Variants in ADAMTS12 observed in about 807,000 individuals in gnomAD.
ADAMTS12 encodes A disintegrin and metalloproteinase with thrombospondin motifs 12.
ADAMTS12 carries 118 observed loss-of-function variants against 167.8 expected under a neutral mutation model. That is an observed-to-expected ratio of 0.70 (90% CI 0.61 to 0.82). The LOEUF is 0.82. ADAMTS12 is among the 40% of genes least tolerant of loss of function. The probability of loss-of-function intolerance (pLI) is 0.00; values close to 1 mark genes in which losing one functional copy is unlikely to be tolerated. For synonymous variants in ADAMTS12, 704 were observed against 716.9 expected (o/e 0.98, Z 0.29); for missense variants, 1,916 against 1,998.8 (o/e 0.96, Z 0.79).
rs539284470 is a variant in ADAMTS12, at chr5:33,879,227, C to T, written c.489+1892G>A. Among the ~76,000 whole-genome samples, 4 of 152,146 alleles carry T rather than the reference C, an allele frequency of 2.6e-5. No homozygotes were observed. The East Asian group carries it at 5.8e-4, about 22-fold the overall frequency. Reference sequence around the variant, plus strand: ...ACAGAGACATTTTTGCCCATTCCCCCGAGATTCTGACACACTAGGTCTGAA... The same window carrying T: ...ACAGAGACATTTTTGCCCATTCCCCTGAGATTCTGACACACTAGGTCTGAA... On this transcript the variant is annotated intron_variant, in intron 2 of 23. Transcript: ENST00000504830.
intron 22 of ADAMTS12, among the ~76,000 whole-genome samples, chr5:33,536,823 T>A (rs893303843): frequency 4.6e-5 from 7 of 152,262 alleles, no homozygotes; most frequent in African/African-American, 1.7e-4. Flanking sequence ...TCTATGAGAT[T>A]GTTTCCCTGA....
At chr5:33,815,390 T>C (rs1275922227) in intron 2 of ADAMTS12, among the ~76,000 whole-genome samples, 1 of 152,152 alleles carries the variant, frequency 6.6e-6, no homozygotes, top group East Asian at 1.9e-4. Flanking sequence ...CATTATAAGA[T>C]GAAGAGACAG....
chr5:33,831,682 A>G (rs1361159874), intron 2 of ADAMTS12, among the ~76,000 whole-genome samples: 1 of 152,254 alleles, frequency 6.6e-6, no homozygotes, highest in East Asian at 1.9e-4. Flanking sequence ...CTTAATTACC[A>G]ATAGAATAAT....
At position 33,526,643 on chromosome 5, in the gene ADAMTS12, C is replaced by T. The variant is rs1743824803; in HGVS notation, c.*545G>A. ...TGAGGGATGTAACCAGCACTTCCTGCCCTAGTTGAACATGGGGTGAAGAAA... is the reference window on the plus strand; with the variant it reads ...TGAGGGATGTAACCAGCACTTCCTGTCCTAGTTGAACATGGGGTGAAGAAA... On this transcript the variant is annotated 3_prime_UTR_variant, in exon 24 of 24. Coordinates refer to ENST00000504830, the MANE Select transcript of ADAMTS12 (RefSeq NM_030955.4). The T allele has an allele frequency of 6.6e-6, 1 of 152,596 alleles. No individual in the cohort carries two copies. The highest frequency in any genetic ancestry group is 1.4e-5 in the Non-Finnish European group (1 of 68,970). The allele number at this position is 152,596 out of a possible 1,614,324, so 9.5% of individuals were successfully genotyped here. A position where few individuals can be genotyped will look rare whatever the true frequency, so the allele number is the denominator to read the frequency against.
intron 17 of ADAMTS12, among the ~76,000 whole-genome samples, chr5:33,591,893 T>C (rs968348346): frequency 1.3e-5 from 2 of 152,002 alleles, no homozygotes; most frequent in Non-Finnish European, 2.9e-5. Context: ...ACCTCCTACA[T>C]TGGCACTAGA....
chr5:33,566,086 G>A (rs1444523562), intron 19 of ADAMTS12, among the ~76,000 whole-genome samples: 1 of 152,124 alleles, frequency 6.6e-6, no homozygotes, highest in Non-Finnish European at 1.5e-5. Flanking sequence ...TCAGTTCATA[G>A]GAGCACCACC....
rs181525004 is a variant in ADAMTS12 at position 33,748,931 on chromosome 5, C to A, written c.634+2473G>T. Among the ~76,000 whole-genome samples the A allele has an allele frequency of 2.1e-3, 315 of 152,276 alleles. 4 individuals carry two copies. Among genetic ancestry groups the A allele is most frequent in the African/African-American group, 7.2e-3 (301 of 41,564 alleles). Reference sequence around the variant, plus strand: ...GTCATGTGTAGTTTAAGAATATTCACAAGCACATTAGCAATTCTTGGATCT... The same window carrying A: ...GTCATGTGTAGTTTAAGAATATTCAAAAGCACATTAGCAATTCTTGGATCT... On this transcript the variant is annotated intron_variant, in intron 3 of 23. Coordinates refer to ENST00000504830, the MANE Select transcript of ADAMTS12 (RefSeq NM_030955.4).
intron 3 of ADAMTS12, among the ~76,000 whole-genome samples, chr5:33,735,067 A>G (rs1744323206): frequency 6.6e-6 from 1 of 152,244 alleles, no homozygotes; most frequent in Non-Finnish European, 1.5e-5. Context: ...ACAATAACTA[A>G]TATACATTGG....
intron 3 of ADAMTS12, among the ~76,000 whole-genome samples, chr5:33,748,471 G>GCATCA (rs1744868496): frequency 6.6e-6 from 1 of 152,044 alleles, no homozygotes; most frequent in Non-Finnish European, 1.5e-5. Context: ...AAACAAAATA[G>GCATCA]CATCACATTA....
chr5:33,621,399 C>CAAAAAAAAAAAAAAAA (rs202182365), intron 14 of ADAMTS12, among the ~76,000 whole-genome samples: 1 of 82,118 alleles, frequency 1.2e-5, no homozygotes, highest in Non-Finnish European at 2.5e-5. Context: ...GACTCCATCT[C>CAAAAAAAAAAAAAAAA]AAAAAAAAAA....
At chr5:33,712,051 A>T (rs1243793322) in intron 3 of ADAMTS12, among the ~76,000 whole-genome samples, 1 of 152,166 alleles carries the variant, frequency 6.6e-6, no homozygotes, top group Non-Finnish European at 1.5e-5. Context: ...TGTATAACTT[A>T]CTTGGCTTTG....
At chr5:33,635,043 T>C (rs79183484) in intron 12 of ADAMTS12, among the ~76,000 whole-genome samples, 255 of 152,200 alleles carry the variant, frequency 1.7e-3, no homozygotes, top group African/African-American at 6.0e-3. Context: ...ATGTATTATA[T>C]TAGGGTAAGT....
chr5:33,848,148 C>T (rs1749016158), intron 2 of ADAMTS12, among the ~76,000 whole-genome samples: 1 of 151,226 alleles, frequency 6.6e-6, no homozygotes, highest in South Asian at 2.1e-4. Context: ...ATCCAGGAGG[C>T]GGAGGTTGCA....
intron 14 of ADAMTS12, among the ~76,000 whole-genome samples, chr5:33,619,603 G>A (rs1405718469): frequency 6.6e-6 from 1 of 152,018 alleles, no homozygotes; most frequent in East Asian, 1.9e-4. Context: ...AAATTATCCA[G>A]CTTTAGGTCC....
At chr5:33,733,659 T>C (rs561760701) in intron 3 of ADAMTS12, among the ~76,000 whole-genome samples, 1 of 152,270 alleles carries the variant, frequency 6.6e-6, no homozygotes, top group East Asian at 1.9e-4. Context: ...GGCCGTGCTT[T>C]GTGCAAATCC....
At chr5:33,759,970 G>A (rs1467710390) in intron 2 of ADAMTS12, among the ~76,000 whole-genome samples, 1 of 152,192 alleles carries the variant, frequency 6.6e-6, no homozygotes, top group African/African-American at 2.4e-5. Context: ...CAATTTTAAT[G>A]TGCAAAAGAA....
chr5:33,648,625 G>A (rs73082328), intron 9 of ADAMTS12, among the ~76,000 whole-genome samples, 197 bp downstream of exon 9: 7,011 of 152,262 alleles, frequency 0.046, 558 homozygotes, highest in African/African-American at 0.16. Context: ...TATAGGCTTC[G>A]TAGAATACCA....
chr5:33,612,445 G>A (rs1481037347), intron 16 of ADAMTS12, among the ~76,000 whole-genome samples: 1 of 152,082 alleles, frequency 6.6e-6, no homozygotes, highest in East Asian at 1.9e-4. Context: ...TGATGCAAAG[G>A]GTCCATTCTA....
At chr5:33,783,648 A>G (rs994309031) in intron 2 of ADAMTS12, among the ~76,000 whole-genome samples, 1 of 151,982 alleles carries the variant, frequency 6.6e-6, no homozygotes, top group African/African-American at 2.4e-5. Context: ...AATTCCTAGC[A>G]AGACACAAAT....
Sources: allele counts gnomAD v4.1 joint callset (sites outside exome capture counted in the v4.1 genomes callset), GRCh38; gene constraint gnomAD v4.1.1; transcripts MANE v1.5; gene names NCBI Gene and HGNC (gene_info 2026-07-23, HGNC 2026-07-21).